Variants in TLE2 observed in about 807,000 individuals in gnomAD.
TLE2 encodes the protein transducin-like enhancer protein 2.
In TLE2, 74 loss-of-function variants were observed where a neutral mutation model predicts 97.2. That is an observed-to-expected ratio of 0.76 (90% CI 0.63 to 0.92). TLE2 has a LOEUF of 0.92. Among genes scored for constraint, TLE2 ranks in the 40% least tolerant of loss-of-function variants. The pLI, the probability that TLE2 is intolerant of heterozygous loss-of-function variation, is 0.00. For synonymous variants in TLE2, 499 were observed against 432.1 expected (o/e 1.15, Z -1.92); for missense variants, 1,038 against 1,008.7 (o/e 1.03, Z -0.39).
chr19:3,006,616 G>T lies in TLE2; in HGVS notation c.1304C>A (p.Pro435His), dbSNP rs763600128. 2 of 1,611,090 alleles carry T rather than the reference G, an allele frequency of 1.2e-6. No homozygotes were observed. The highest frequency in any genetic ancestry group is 1.7e-6 in the Non-Finnish European group (2 of 1,178,760). ...ADGQMQPVPF[P>H]SDALVGAGIP... ...GCCCGCGCCTACCAGTGCATCCGAG[G>T]GGAAGGGAACCGGCTGCATCTGCCC... The change falls in exon 15 of 20, where the codon CCC (proline) becomes CAC (histidine). Residue 435 changes from proline (P) to histidine (H), a missense_variant. Transcript: ENST00000262953.
At position 3,006,553 on chromosome 19, in the gene TLE2, TG is replaced by T; in HGVS notation, c.1366del (p.His456MetfsTer25). The T allele has an allele frequency of 6.2e-7, 1 of 1,604,352 alleles. No homozygotes were observed. Among genetic ancestry groups the T allele is most frequent in the Non-Finnish European group, 8.5e-7 (1 of 1,176,534 alleles). ...GGTGACCGCGCAGACCACCTCGCCA[TG>T]GGCCAGCGTGTGCAGCTGCCGGGCG... ...RHARQLHTLA[H>X]GEVVCAVTIS... On this transcript the variant is annotated frameshift_variant, in exon 15 of 20. Coordinates refer to ENST00000262953, the MANE Select transcript of TLE2 (RefSeq NM_003260.5). LOFTEE classifies it high-confidence loss of function.
chr19:3,026,010 TG>T (rs1472420177), intron 4 of TLE2, among the ~76,000 whole-genome samples: 1 of 151,952 alleles, frequency 6.6e-6, no homozygotes, highest in Non-Finnish European at 1.5e-5. Context: ...TACAAGGTTC[TG>T]CTCATTGATT....
In TLE2 at chr19:3,005,815, C is replaced by T. The variant is rs1425916064; in HGVS notation, c.1654G>A (p.Ala552Thr). Reference protein sequence around the residue: ...ELTSSAPACYALAVSPDAKVC... With the variant: ...ELTSSAPACYTLAVSPDAKVC... ...TTGGCGTCGGGGCTGACGGCCAGGG[C>T]GTAGCAGGCTGGGGCTGAGGAAGTC... Residue 552 changes from alanine to threonine, a missense_variant, in exon 16 of 20, where the codon GCC becomes ACC. Physicochemically the swap from Ala to Thr is moderately conservative, Grantham distance 58 (BLOSUM62 0). Transcript: ENST00000262953. 6.2e-7 allele frequency: 1 copy of T among 1,614,000 alleles called. No homozygotes were observed. Among genetic ancestry groups the T allele is most frequent in the Non-Finnish European group, 8.5e-7 (1 of 1,179,878 alleles).
chr19:3,009,775 C>T, intron 12 of TLE2, 73 bp from the exon 13 acceptor site: 1 of 1,517,770 alleles, frequency 6.6e-7, no homozygotes, highest in African/African-American at 1.4e-5. Flanking sequence ...CTTGGGAGCT[C>T]CCTGGCCTTT....
At chr19:3,034,360 A>G (rs1423944954) in intron 1 of TLE2, among the ~76,000 whole-genome samples, 2 of 151,168 alleles carry the variant, frequency 1.3e-5, no homozygotes, top group Non-Finnish European at 2.9e-5. Context: ...CTGGCTCCCT[A>G]TTGCCCTAGG....
intron 4 of TLE2, among the ~76,000 whole-genome samples, chr19:3,026,010 T>C (rs56000075): frequency 0.061 from 9,296 of 152,060 alleles, 376 homozygotes; most frequent in Non-Finnish European, 0.077. Context: ...TACAAGGTTC[T>C]GCTCATTGAT....
upstream of TLE2, chr19:3,029,559 G>C (rs1568252093): frequency 2.5e-5 from 12 of 489,624 alleles, 2 homozygotes; most frequent in South Asian, 4.9e-4. Context: ...CCGTGGGAGC[G>C]GGGGGGGGGG....
chr19:3,011,399 G>T (rs1048240941), intron 11 of TLE2, among the ~76,000 whole-genome samples: 7 of 151,794 alleles, frequency 4.6e-5, no homozygotes, highest in Non-Finnish European at 1.0e-4. Context: ...GGGCGTGGTG[G>T]CATGTGCCTG....
chr19:3,019,914 C>T lies in TLE2; in HGVS notation c.295-141G>A. 8.7e-7 allele frequency: 1 copy of T among 1,147,870 alleles called. No homozygotes were observed. Among genetic ancestry groups the T allele is most frequent in the Non-Finnish European group, 1.2e-6 (1 of 823,910 alleles). 71.1% of individuals were successfully genotyped at this position (1,147,870 alleles called of 1,614,324 possible). On this transcript the variant is annotated intron_variant, in intron 5 of 19. Transcript: ENST00000262953. This position sits in a 1 kb window ranked among gnomAD's most constrained non-coding sequence, Gnocchi z 5.1. ...ATTTCTCTTTTATCTTTTTCCCTCT[C>T]ACTCTCTCCCTTTCCTTTTGGAATT...
chr19:3,041,013 A>ATATATATATATATTAT (rs1555695656), intron 1 of TLE2, among the ~76,000 whole-genome samples: 1 of 28,968 alleles, frequency 3.5e-5, no homozygotes. Flanking sequence ...ATATATATAT[A>ATATATATATATATTAT]TTTTTTTTTT....
At chr19:3,025,609 T>G in intron 4 of TLE2, 1 of 985,746 alleles carries the variant, frequency 1.0e-6, no homozygotes, top group Non-Finnish European at 1.2e-6. Flanking sequence ...AAGGGAAGGA[T>G]TTCATCTGGA....
chr19:3,003,552 C>A (rs997280670), intron 17 of TLE2, among the ~76,000 whole-genome samples: 3 of 151,944 alleles, frequency 2.0e-5, no homozygotes, highest in Non-Finnish European at 4.4e-5. Context: ...GCAGGAGAAT[C>A]GCTTGAACTT....
intron 5 of TLE2, chr19:3,020,104 G>C (rs1017221563): frequency 4.9e-5 from 15 of 304,790 alleles, no homozygotes; most frequent in Non-Finnish European, 7.4e-5. Context: ...CCAACATGGT[G>C]AAACACCTGT....
At chr19:3,009,519 T>TG in intron 13 of TLE2, 23 bp downstream of exon 13, 1 of 1,571,198 alleles carries the variant, frequency 6.4e-7, no homozygotes, top group East Asian at 2.3e-5. Flanking sequence ...TGACACCTCC[T>TG]GCGCCCCCAC....
At chr19:3,012,261 A>AAAACAAAC (rs56656741) in intron 11 of TLE2, among the ~76,000 whole-genome samples, 3 of 151,826 alleles carry the variant, frequency 2.0e-5, no homozygotes, top group African/African-American at 7.3e-5. Context: ...TCCAAAACGA[A>AAAACAAAC]AAACAAACAA....
rs2089464733 is a variant in TLE2 at position 3,005,918 on chromosome 19, A to T, written c.1551T>A (p.Ser517Arg). ...TGCTGGCCTCACCGCCCACGATCAG[A>T]CTCCGGCCATCCGGCAGCAACTTGC... The part of the protein sequence containing the change: ...RSCKLLPDGR[S>R]LIVGGEASTL... The change falls in exon 16 of 20, where the codon AGT (serine) becomes AGA (arginine). Residue 517 changes from serine (S) to arginine (R), a missense_variant. Coordinates refer to ENST00000262953, the MANE Select transcript of TLE2 (RefSeq NM_003260.5). The T allele has an allele frequency of 1.3e-5, 21 of 1,610,956 alleles. No individual in the cohort carries two copies. Among genetic ancestry groups the T allele is most frequent in the Non-Finnish European group, 1.8e-5 (21 of 1,178,014 alleles).
intron 19 of TLE2, 22 bp downstream of exon 19, chr19:3,000,625 G>T: frequency 6.4e-7 from 1 of 1,565,492 alleles, no homozygotes; most frequent in Non-Finnish European, 8.7e-7. Flanking sequence ...TGCCAGAGTG[G>T]GGGCTCCAGA....
chr19:3,033,534 G>C (rs1041188695), upstream of TLE2, among the ~76,000 whole-genome samples: 2 of 152,096 alleles, frequency 1.3e-5, no homozygotes, highest in Non-Finnish European at 2.9e-5. Flanking sequence ...TCTCCTGGCA[G>C]GCGATCTGCC....
upstream of TLE2, chr19:3,029,483 TCCCCACCCCCTC>T (rs1164509840): frequency 1.0e-6 from 1 of 968,702 alleles, no homozygotes; most frequent in Non-Finnish European, 1.2e-6. Context: ...TAAAACAGGG[TCCCCACCCCCTC>T]CCGGAGGGGC....
Sources: allele counts gnomAD v4.1 joint callset (sites outside exome capture counted in the v4.1 genomes callset), GRCh38; gene constraint gnomAD v4.1.1; non-coding constraint Gnocchi (gnomAD v3.1); transcripts MANE v1.5; gene names NCBI Gene and HGNC (gene_info 2026-07-23, HGNC 2026-07-21).